Variants in SCLT1 observed in about 807,000 individuals in gnomAD.
The protein encoded by SCLT1 is sodium channel-associated protein 1.
In SCLT1, 78 loss-of-function variants were observed where a neutral mutation model predicts 112.8. That is an observed-to-expected ratio of 0.69 (90% CI 0.58 to 0.83). The LOEUF is 0.83. Ranked by LOEUF, SCLT1 falls within the 40% of genes least tolerant of loss-of-function variation. SCLT1 has a pLI of 0.00. For missense variants in SCLT1, 747 were observed against 770.4 expected, an observed-to-expected ratio of 0.97 and a Z score of 0.36; for synonymous variants, 257 against 254.7, an observed-to-expected ratio of 1.01 and a Z score of -0.09.
chr4:128,954,947 T>G (rs1012956429), intron 13 of SCLT1, among the ~76,000 whole-genome samples: 5 of 152,188 alleles, frequency 3.3e-5, no homozygotes, highest in African/African-American at 1.2e-4. Context: ...CTTTTCAGTA[T>G]CTAGAAATGA....
At chr4:128,943,730 C>A (rs2125990399) in intron 16 of SCLT1, among the ~76,000 whole-genome samples, 1 of 152,226 alleles carries the variant, frequency 6.6e-6, no homozygotes, top group South Asian at 2.1e-4. Context: ...ACTGTCTCAA[C>A]AATGGACCAC....
chr4:129,053,908 T>C (rs1023801448), intron 2 of SCLT1, among the ~76,000 whole-genome samples: 10 of 152,264 alleles, frequency 6.6e-5, no homozygotes, highest in African/African-American at 2.4e-4. Context: ...TTCCTTTCCA[T>C]ATTTAGTGCT....
intron 18 of SCLT1, among the ~76,000 whole-genome samples, chr4:128,896,293 C>T (rs1026981570): frequency 2.6e-5 from 4 of 151,930 alleles, no homozygotes; most frequent in East Asian, 1.9e-4. Context: ...CCCCCAGTAC[C>T]GGGTACTGGC....
At chr4:128,879,858 A>T (rs572127802), downstream of SCLT1, among the ~76,000 whole-genome samples, 2 of 152,304 alleles carry the variant, frequency 1.3e-5, no homozygotes, top group African/African-American at 4.8e-5. Context: ...CTAGATGTAA[A>T]TATTAAAGAT....
Position 129,090,936 on chromosome 4 carries a change from G to C in SCLT1, c.34+2134C>G, listed in dbSNP as rs185797166. Among the ~76,000 whole-genome samples the C allele has an allele frequency of 3.1e-3, 479 of 152,288 alleles. 10 individuals are homozygous for C. The highest frequency in any genetic ancestry group is 1.9e-3 in the Non-Finnish European group (131 of 68,032). On this transcript the variant is annotated intron_variant, in intron 1 of 20. Transcript: ENST00000281142. ...CATGTGGGGACATGAGAGTTGAGAAGTACCAAACATGAGTTGAGAAGTACC... is the reference window on the plus strand; with the variant it reads ...CATGTGGGGACATGAGAGTTGAGAACTACCAAACATGAGTTGAGAAGTACC...
chr4:128,885,874 G>A (rs1234815127), intron 20 of SCLT1, among the ~76,000 whole-genome samples: 1 of 152,144 alleles, frequency 6.6e-6, no homozygotes, highest in Non-Finnish European at 1.5e-5. Flanking sequence ...TATAGGTGAG[G>A]ATGAACATCT....
At chr4:129,008,110 T>C (rs1744190358) in intron 5 of SCLT1, among the ~76,000 whole-genome samples, 1 of 152,214 alleles carries the variant, frequency 6.6e-6, no homozygotes. Flanking sequence ...ATTATTATTT[T>C]TAAAAGTTTA....
chr4:128,984,316 C>T (rs1560927512), intron 9 of SCLT1, among the ~76,000 whole-genome samples: 1 of 152,110 alleles, frequency 6.6e-6, no homozygotes, highest in Non-Finnish European at 1.5e-5. Flanking sequence ...TGAATACTGT[C>T]AGAGAGCCAG....
chr4:128,990,757 G>A (rs1026807839), intron 9 of SCLT1, among the ~76,000 whole-genome samples: 1 of 148,624 alleles, frequency 6.7e-6, no homozygotes, highest in African/African-American at 2.5e-5. Flanking sequence ...CAAGATCAAC[G>A]AACAAAAATC....
intron 13 of SCLT1, among the ~76,000 whole-genome samples, chr4:128,954,366 T>G (rs1739043680): frequency 6.7e-6 from 1 of 148,986 alleles, no homozygotes; most frequent in Non-Finnish European, 1.5e-5. Context: ...TTGCCCAGGC[T>G]GGAGTGCAGG....
chr4:129,014,943 T>C (rs1744858730), intron 5 of SCLT1, among the ~76,000 whole-genome samples: 1 of 151,516 alleles, frequency 6.6e-6, no homozygotes, highest in Non-Finnish European at 1.5e-5. Context: ...GTCGTGCAGG[T>C]GGTGGTGCTG....
At chr4:129,006,915 C>T (rs1373925879) in intron 5 of SCLT1, among the ~76,000 whole-genome samples, 7 of 152,200 alleles carry the variant, frequency 4.6e-5, no homozygotes, top group Non-Finnish European at 1.0e-4. Flanking sequence ...CTCTAAGAAT[C>T]GCCTTAGTGG....
chr4:129,092,428 A>G (rs1322059920), intron 1 of SCLT1, among the ~76,000 whole-genome samples: 1 of 152,230 alleles, frequency 6.6e-6, no homozygotes, highest in East Asian at 1.9e-4. Flanking sequence ...GTTTCAGCCC[A>G]ATAGCACCTT....
At chr4:128,998,700 CA>C (rs1320523617) in intron 7 of SCLT1, among the ~76,000 whole-genome samples, 1 of 148,536 alleles carries the variant, frequency 6.7e-6, no homozygotes, top group African/African-American at 2.5e-5. Flanking sequence ...GGTAAAAGTC[CA>C]ACAAATCAGA....
chr4:129,028,138 G>A (rs1189921021), intron 5 of SCLT1, among the ~76,000 whole-genome samples: 1 of 152,084 alleles, frequency 6.6e-6, no homozygotes, highest in African/African-American at 2.4e-5. Flanking sequence ...TCCCCATCAA[G>A]CTACCAATGA....
At chr4:128,902,350 G>T (rs1288316891) in intron 18 of SCLT1, among the ~76,000 whole-genome samples, 5 of 152,118 alleles carry the variant, frequency 3.3e-5, no homozygotes, top group Non-Finnish European at 7.3e-5. Flanking sequence ...GAACACCACA[G>T]AGTTTGCTAC....
At chr4:129,036,382 A>G (rs937030189) in intron 5 of SCLT1, among the ~76,000 whole-genome samples, 1 of 152,062 alleles carries the variant, frequency 6.6e-6, no homozygotes, top group African/African-American at 2.4e-5. Flanking sequence ...GATTATCTCA[A>G]CCATAAAATA....
Position 128,884,253 on chromosome 4 carries a change from G to A in SCLT1, c.*224C>T, listed in dbSNP as rs888131816. On this transcript the variant is annotated 3_prime_UTR_variant, in exon 21 of 21. Transcript: ENST00000281142. Reference sequence around the variant, plus strand: ...TGATGAAGGCAATGAGTTCTTCTCAGCTGGTTTATTCTCCACTGAAGCTCA... The same window carrying A: ...TGATGAAGGCAATGAGTTCTTCTCAACTGGTTTATTCTCCACTGAAGCTCA... 11 of 374,110 alleles carry A rather than the reference G, an allele frequency of 2.9e-5. No individual in the cohort carries two copies. Among genetic ancestry groups the A allele is most frequent in the African/African-American group, 2.1e-4 (10 of 47,946 alleles). The allele number at this position is 374,110 out of a possible 1,614,324, so 23.2% of individuals were successfully genotyped here. A position where few individuals can be genotyped will look rare whatever the true frequency, so the allele number is the denominator to read the frequency against.
intron 18 of SCLT1, among the ~76,000 whole-genome samples, chr4:128,897,336 T>G (rs1450431610): frequency 6.6e-6 from 1 of 151,932 alleles, no homozygotes; most frequent in African/African-American, 2.4e-5. Context: ...CGGCAGAAAC[T>G]CTACAAGCCA....
Sources: allele counts gnomAD v4.1 joint callset (sites outside exome capture counted in the v4.1 genomes callset), GRCh38; gene constraint gnomAD v4.1.1; transcripts MANE v1.5; gene names NCBI Gene and HGNC (gene_info 2026-07-23, HGNC 2026-07-21).